The following ZMAT4 variants were observed in gnomAD, a reference collection of about 807,000 sequenced individuals.
ZMAT4 encodes zinc finger matrin-type 4.
In ZMAT4, 17 loss-of-function variants were observed where a neutral mutation model predicts 28.7. The observed-to-expected ratio is 0.59, with a 90% confidence interval of 0.41 to 0.89. The LOEUF is 0.89. Ranked by LOEUF, ZMAT4 falls within the 40% of genes least tolerant of loss-of-function variation. The pLI is 0.00. For missense variants in ZMAT4, 240 were observed against 283.8 expected, an observed-to-expected ratio of 0.85 and a Z score of 1.11; for synonymous variants, 117 against 109.2, an observed-to-expected ratio of 1.07 and a Z score of -0.44.
chr8:40,663,155 A>G (rs1232352974), intron 5 of ZMAT4, among the ~76,000 whole-genome samples: 2 of 152,122 alleles, frequency 1.3e-5, no homozygotes, highest in Non-Finnish European at 2.9e-5. Context: ...ATCTAACCCA[A>G]GGTCCCATCT....
chr8:40,839,272 G>A (rs1468980843), intron 1 of ZMAT4, among the ~76,000 whole-genome samples: 1 of 152,220 alleles, frequency 6.6e-6, no homozygotes, highest in Admixed American at 6.5e-5. Context: ...CGAGACGAAA[G>A]CAAGGGCCAG....
chr8:40,769,947 C>T (rs1303684215), intron 2 of ZMAT4, among the ~76,000 whole-genome samples: 1 of 152,088 alleles, frequency 6.6e-6, no homozygotes, highest in African/African-American at 2.4e-5. Flanking sequence ...TGATATGAAG[C>T]CATTAGTGAT....
chr8:40,563,430 C>A (rs1314550622), intron 6 of ZMAT4, among the ~76,000 whole-genome samples: 1 of 152,148 alleles, frequency 6.6e-6, no homozygotes, highest in African/African-American at 2.4e-5. Flanking sequence ...TGACACTTAG[C>A]TAGACACAGA....
chr8:40,681,645 G>A (rs941513494), intron 4 of ZMAT4, among the ~76,000 whole-genome samples: 1 of 152,334 alleles, frequency 6.6e-6, no homozygotes, highest in African/African-American at 2.4e-5. Flanking sequence ...TGGGCCTTTT[G>A]TGTAGATAGT....
At chr8:40,546,079 C>T (rs1421680724) in intron 6 of ZMAT4, among the ~76,000 whole-genome samples, 2 of 151,930 alleles carry the variant, frequency 1.3e-5, no homozygotes, top group African/African-American at 4.8e-5. Context: ...CTCTCCTTCA[C>T]ACAGCCCACA....
At chr8:40,563,122 C>T (rs747280703) in intron 6 of ZMAT4, among the ~76,000 whole-genome samples, 14 of 152,110 alleles carry the variant, frequency 9.2e-5, no homozygotes, top group Non-Finnish European at 1.8e-4. Context: ...CAATGCCCAC[C>T]GGCATCTTCA....
rs886830109 is a variant in ZMAT4, at chr8:40,626,983, T to C, written c.578-45722A>G. Reference sequence around the variant, plus strand: ...ACTCTAAAGCTTCTCCTAATAACCCTGCTCTGAATGATCCACGCCCTTTAT... The same window carrying C: ...ACTCTAAAGCTTCTCCTAATAACCCCGCTCTGAATGATCCACGCCCTTTAT... On this transcript the variant is annotated intron_variant, in intron 5 of 6. Transcript: ENST00000297737. Among the ~76,000 whole-genome samples, 4 of 152,322 alleles carry C rather than the reference T, an allele frequency of 2.6e-5. No individual in the cohort carries two copies. The South Asian group carries it at 8.3e-4, about 32-fold the overall frequency.
chr8:40,858,673 C>T (rs1817384448), intron 1 of ZMAT4, among the ~76,000 whole-genome samples: 1 of 152,144 alleles, frequency 6.6e-6, no homozygotes, highest in African/African-American at 2.4e-5. Context: ...GGTTCCCATA[C>T]CCCTCGGTTC....
At chr8:40,691,208 A>G (rs1809647845) in intron 4 of ZMAT4, among the ~76,000 whole-genome samples, 1 of 152,166 alleles carries the variant, frequency 6.6e-6, no homozygotes, top group African/African-American at 2.4e-5. Flanking sequence ...TTGATTCATT[A>G]ACTTTAAACT....
chr8:40,670,793 G>A (rs573322094), intron 5 of ZMAT4, among the ~76,000 whole-genome samples: 9 of 152,158 alleles, frequency 5.9e-5, no homozygotes, highest in Non-Finnish European at 1.0e-4. Context: ...TGACGGCAGG[G>A]TGTGGTGGCT....
At chr8:40,647,925 C>T (rs1460240822) in intron 5 of ZMAT4, among the ~76,000 whole-genome samples, 2 of 152,194 alleles carry the variant, frequency 1.3e-5, no homozygotes, top group Non-Finnish European at 2.9e-5. Flanking sequence ...ACCATCTGTA[C>T]ATCACCATCA....
At chr8:40,702,539 A>AGGAT (rs1420927471) in intron 3 of ZMAT4, among the ~76,000 whole-genome samples, 1 of 152,244 alleles carries the variant, frequency 6.6e-6, no homozygotes, top group Non-Finnish European at 1.5e-5. Flanking sequence ...GAATTCAATC[A>AGGAT]GGATGGAAAA....
In ZMAT4 at chr8:40,548,721, T is replaced by TAAAAC. The variant is rs564378701; in HGVS notation, c.675-16488_675-16484dup. Among the ~76,000 whole-genome samples, 1,372 of 152,078 alleles carry TAAAAC rather than the reference T, an allele frequency of 9.0e-3. 12 individuals carry two copies. The highest frequency in any genetic ancestry group is 0.014 in the Non-Finnish European group (940 of 67,962). The stretch of plus-strand genomic sequence containing the variant: ...TGCTTGAAATGCAGTAATAGAGTCT[T>TAAAAC]AAAACAAAACAAAACAAAACAATAA... On this transcript the variant is annotated intron_variant, in intron 6 of 6. Transcript: ENST00000297737.
chr8:40,807,928 G>T (rs753603388), intron 2 of ZMAT4, among the ~76,000 whole-genome samples: 4 of 152,174 alleles, frequency 2.6e-5, no homozygotes, highest in African/African-American at 4.8e-5. Context: ...AGCAAATTCA[G>T]CATTTGATTT....
At chr8:40,686,111 C>G (rs993955853) in intron 4 of ZMAT4, among the ~76,000 whole-genome samples, 13 of 152,080 alleles carry the variant, frequency 8.5e-5, no homozygotes, top group Non-Finnish European at 1.3e-4. Flanking sequence ...GTATAGAGAG[C>G]CATCCATGAC....
At chr8:40,784,835 G>A (rs774910571) in intron 2 of ZMAT4, among the ~76,000 whole-genome samples, 1 of 152,170 alleles carries the variant, frequency 6.6e-6, no homozygotes, top group Admixed American at 6.5e-5. Flanking sequence ...AGGATGTGAC[G>A]ATAAAAGTAC....
At chr8:40,754,770 G>A (rs1812604936) in intron 3 of ZMAT4, among the ~76,000 whole-genome samples, 1 of 152,172 alleles carries the variant, frequency 6.6e-6, no homozygotes, top group African/African-American at 2.4e-5. Flanking sequence ...CTAGCACTTT[G>A]AGAGGCCAAG....
At chr8:40,586,074 G>A (rs1400474890) in intron 5 of ZMAT4, among the ~76,000 whole-genome samples, 1 of 152,136 alleles carries the variant, frequency 6.6e-6, no homozygotes, top group Non-Finnish European at 1.5e-5. Context: ...CAAACTACAG[G>A]GATTATAAAT....
chr8:40,810,613 G>A (rs145985379), intron 2 of ZMAT4, among the ~76,000 whole-genome samples: 16 of 152,254 alleles, frequency 1.1e-4, no homozygotes, highest in African/African-American at 3.6e-4. Context: ...AAATGGAAGT[G>A]TCAGATTAAT....
Sources: allele counts gnomAD v4.1 joint callset (sites outside exome capture counted in the v4.1 genomes callset), GRCh38; gene constraint gnomAD v4.1.1; transcripts MANE v1.5; gene names NCBI Gene and HGNC (gene_info 2026-07-23, HGNC 2026-07-21).